Variants in NELL2 observed in about 807,000 individuals in gnomAD.
NELL2 encodes the protein protein kinase C-binding protein NELL2.
In NELL2, 41 loss-of-function variants were observed where a neutral mutation model predicts 109.6. The observed-to-expected ratio is 0.37, with a 90% CI of 0.29 to 0.49. The LOEUF (loss-of-function observed/expected upper bound fraction) is 0.49, where lower values mean the gene tolerates loss of function less well. Ranked by LOEUF, NELL2 falls within the 20% of genes least tolerant of loss-of-function variation. The pLI is 0.98. For missense variants in NELL2, 900 were observed against 1,008.3 expected (o/e 0.89, Z 1.45); for synonymous variants, 355 against 344.7 (o/e 1.03, Z -0.33).
chr12:44,802,499 G>A (rs977754890), intron 3 of NELL2, among the ~76,000 whole-genome samples: 1 of 151,914 alleles, frequency 6.6e-6, no homozygotes, highest in Non-Finnish European at 1.5e-5. Context: ...AGTTCAATAC[G>A]TGCAATACTG....
chr12:44,687,600 G>C (rs910965343), intron 12 of NELL2, among the ~76,000 whole-genome samples: 1 of 152,138 alleles, frequency 6.6e-6, no homozygotes, highest in Non-Finnish European at 1.5e-5. Flanking sequence ...AATGGATAGA[G>C]GAAGAGAAAG....
At chr12:44,861,657 G>A (rs1456780055) in intron 2 of NELL2, among the ~76,000 whole-genome samples, 1 of 152,246 alleles carries the variant, frequency 6.6e-6, no homozygotes, top group Non-Finnish European at 1.5e-5. Flanking sequence ...GCCCAAAGCT[G>A]GGTCTAAGGA....
At chr12:44,551,990 C>T (rs527444304) in intron 15 of NELL2, among the ~76,000 whole-genome samples, 1 of 152,174 alleles carries the variant, frequency 6.6e-6, no homozygotes, top group Admixed American at 6.5e-5. Context: ...GTAGGCATTC[C>T]TAGGTATGCT....
intron 1 of NELL2, among the ~76,000 whole-genome samples, chr12:44,903,195 G>GA (rs1010218175): frequency 1.1e-4 from 17 of 151,640 alleles, no homozygotes; most frequent in Non-Finnish European, 2.4e-4. Context: ...CAATTTACAA[G>GA]AAAAAAAATA....
chr12:44,586,578 AAAC>A (rs1944515000), intron 15 of NELL2, among the ~76,000 whole-genome samples: 1 of 152,132 alleles, frequency 6.6e-6, no homozygotes, highest in Non-Finnish European at 1.5e-5. Context: ...GGAATTTACC[AAAC>A]AACAACTACA....
At position 44,875,272 on chromosome 12, in the gene NELL2, C is replaced by T. The variant is rs746400239; in HGVS notation, c.137G>A (p.Arg46His). 8 of 1,614,086 alleles carry T rather than the reference C, an allele frequency of 5.0e-6. No homozygotes were observed. The highest frequency in any genetic ancestry group is 1.7e-5 in the Admixed American group (1 of 60,016). ...CCCATTATGCAGCCCCGGGACCTGA[C>T]GCACTCCGGTCGTGGACTCCCCAAG... ...LELGESTTGVRQVPGLHNGTK... is the reference protein window; with the variant it reads ...LELGESTTGVHQVPGLHNGTK... The change falls in exon 2 of 20, where the codon CGT (arginine) becomes CAT (histidine). Residue 46 changes from arginine to histidine, a missense_variant. Transcript: ENST00000429094.
chr12:44,591,623 G>C (rs187114457), intron 15 of NELL2, among the ~76,000 whole-genome samples: 23 of 152,220 alleles, frequency 1.5e-4, no homozygotes, highest in Non-Finnish European at 2.8e-4. Flanking sequence ...AGAAAGGAGC[G>C]GGGATAGAAA....
At chr12:44,521,529 C>CAAAAAAAAAAAAAAAAAAAAAAA (rs56713964) in intron 18 of NELL2, among the ~76,000 whole-genome samples, 5 of 111,420 alleles carry the variant, frequency 4.5e-5, no homozygotes, top group African/African-American at 1.6e-4. Context: ...GACTCCGTCT[C>CAAAAAAAAAAAAAAAAAAAAAAA]AAAAAAAAAA....
intron 3 of NELL2, among the ~76,000 whole-genome samples, chr12:44,786,656 G>C (rs932203986): frequency 1.3e-5 from 2 of 152,132 alleles, no homozygotes; most frequent in Non-Finnish European, 2.9e-5. Context: ...ACTGGATAAA[G>C]AAAATGTGGC....
chr12:44,675,503 A>G (rs1948277262), intron 12 of NELL2, among the ~76,000 whole-genome samples: 1 of 152,142 alleles, frequency 6.6e-6, no homozygotes, highest in Non-Finnish European at 1.5e-5. Context: ...TATTTTAGAA[A>G]CTAGAATTTA....
chr12:44,893,158 T>TC (rs1376972093), intron 1 of NELL2, among the ~76,000 whole-genome samples: 1 of 152,112 alleles, frequency 6.6e-6, no homozygotes, highest in Admixed American at 6.5e-5. Context: ...GTGAAGCCCC[T>TC]AGAGAAGGAT....
chr12:44,768,382 G>A (rs1941417500), intron 9 of NELL2, among the ~76,000 whole-genome samples: 1 of 151,940 alleles, frequency 6.6e-6, no homozygotes, highest in South Asian at 2.1e-4. Flanking sequence ...TTATCTTGAT[G>A]AAATCTCTCT....
At chr12:44,912,874 G>A (rs933691105) in intron 1 of NELL2, among the ~76,000 whole-genome samples, 1 of 152,078 alleles carries the variant, frequency 6.6e-6, no homozygotes, top group South Asian at 2.1e-4. Flanking sequence ...AACCTGCCTG[G>A]GTTTAAATCC....
chr12:44,514,708 T>C (rs1941179249), intron 19 of NELL2, among the ~76,000 whole-genome samples: 2 of 151,554 alleles, frequency 1.3e-5, no homozygotes, highest in South Asian at 2.1e-4. Context: ...GAGCTATTAC[T>C]ATATGTGAAT....
intron 9 of NELL2, among the ~76,000 whole-genome samples, chr12:44,759,148 CA>C (rs1177931223): frequency 6.6e-6 from 1 of 152,192 alleles, no homozygotes; most frequent in East Asian, 1.9e-4. Flanking sequence ...CTTCCAAACA[CA>C]TTATTCCTGC....
chr12:44,795,851 G>C (rs559086225), intron 3 of NELL2, among the ~76,000 whole-genome samples: 23 of 152,124 alleles, frequency 1.5e-4, no homozygotes, highest in Admixed American at 2.6e-4. Context: ...ACATGTTAAG[G>C]GAGATGGGAG....
intron 1 of NELL2, among the ~76,000 whole-genome samples, chr12:44,888,847 A>T (rs7979141): frequency 0.36 from 54,552 of 151,568 alleles, 10,341 homozygotes; most frequent in South Asian, 0.58. Context: ...AAATAAAAAA[A>T]AAATAAATAA....
intron 15 of NELL2, among the ~76,000 whole-genome samples, chr12:44,577,714 G>A (rs1053651871): frequency 1.5e-4 from 23 of 151,996 alleles, no homozygotes; most frequent in African/African-American, 3.9e-4. Context: ...TCCTGACCTC[G>A]TGATCCGCCC....
intron 12 of NELL2, among the ~76,000 whole-genome samples, chr12:44,683,895 T>A (rs1355706013): frequency 6.6e-6 from 1 of 152,194 alleles, no homozygotes; most frequent in East Asian, 1.9e-4. Flanking sequence ...TTTGGTTGTG[T>A]CTCTGCCAGG....
Sources: allele counts gnomAD v4.1 joint callset (sites outside exome capture counted in the v4.1 genomes callset), GRCh38; gene constraint gnomAD v4.1.1; transcripts MANE v1.5; gene names NCBI Gene and HGNC (gene_info 2026-07-23, HGNC 2026-07-21).